Variants in SEMA6D observed in about 807,000 individuals in gnomAD.
The protein encoded by SEMA6D is semaphorin-6D.
In SEMA6D, 35 loss-of-function variants were observed where a neutral mutation model predicts 106.6. That is an observed-to-expected ratio of 0.33 (90% CI 0.25 to 0.44). SEMA6D has a LOEUF of 0.44. Ranked by LOEUF, SEMA6D falls within the 20% of genes least tolerant of loss-of-function variation. The pLI, the probability that SEMA6D is intolerant of heterozygous loss-of-function variation, is 1.00. For synonymous variants in SEMA6D, 499 were observed against 487.7 expected (o/e 1.02, Z -0.31); for missense variants, 1,185 against 1,345.9 (o/e 0.88, Z 1.87).
At chr15:47,567,044 G>T (rs1007725470) in intron 3 of SEMA6D, among the ~76,000 whole-genome samples, 1 of 152,168 alleles carries the variant, frequency 6.6e-6, no homozygotes, top group African/African-American at 2.4e-5. Context: ...TTGTTGTTTG[G>T]AATTATTCTG....
chr15:47,612,707 G>C (rs1433174016), intron 4 of SEMA6D, among the ~76,000 whole-genome samples: 1 of 152,108 alleles, frequency 6.6e-6, no homozygotes, highest in Non-Finnish European at 1.5e-5. Context: ...ATGGGCTTTA[G>C]CACTCAGACT....
At chr15:47,521,704 G>A (rs778817296) in intron 3 of SEMA6D, among the ~76,000 whole-genome samples, 10 of 152,238 alleles carry the variant, frequency 6.6e-5, no homozygotes, top group South Asian at 2.1e-4. Flanking sequence ...AAAGATTCAC[G>A]GCTGGGCACG....
At chr15:47,619,377 T>A (rs2077060481) in intron 4 of SEMA6D, among the ~76,000 whole-genome samples, 1 of 152,146 alleles carries the variant, frequency 6.6e-6, no homozygotes, top group South Asian at 2.1e-4. Flanking sequence ...AGCAGTGGAA[T>A]GGATGGTGGC....
chr15:47,766,942 T>C, intron 16 of SEMA6D, 95 bp from the exon 17 acceptor site: 2 of 398,028 alleles, frequency 5.0e-6, no homozygotes, highest in South Asian at 3.3e-5. Flanking sequence ...TTTATAGTCT[T>C]TTTTTTTTTT....
intron 1 of SEMA6D, among the ~76,000 whole-genome samples, chr15:47,408,780 C>G (rs2040684763): frequency 6.6e-6 from 1 of 152,178 alleles, no homozygotes; most frequent in Admixed American, 6.5e-5. Context: ...AATAGAGATT[C>G]TCCCAGAACT....
At chr15:47,551,489 G>A (rs1361866754) in intron 3 of SEMA6D, among the ~76,000 whole-genome samples, 1 of 152,222 alleles carries the variant, frequency 6.6e-6, no homozygotes, top group Admixed American at 6.5e-5. Context: ...TGCAGGACCT[G>A]TGGTCTAGGA....
chr15:47,718,520 C>G (rs2079223789), intron 1 of SEMA6D: 1 of 144,538 alleles, frequency 6.9e-6, no homozygotes, highest in Non-Finnish European at 1.6e-5. Flanking sequence ...TCTCCCCTTA[C>G]TGGCAGAGCG....
intron 2 of SEMA6D, among the ~76,000 whole-genome samples, chr15:47,414,177 G>T (rs1019496047): frequency 6.6e-6 from 1 of 152,110 alleles, no homozygotes; most frequent in Non-Finnish European, 1.5e-5. Context: ...GTAAATGAAT[G>T]TATCATTATG....
intron 4 of SEMA6D, among the ~76,000 whole-genome samples, chr15:47,608,166 G>A (rs181728044): frequency 1.4e-4 from 22 of 152,150 alleles, no homozygotes; most frequent in Non-Finnish European, 2.5e-4. Flanking sequence ...ATTTTCTGCC[G>A]TTTCCTTAAA....
intron 1 of SEMA6D, among the ~76,000 whole-genome samples, chr15:47,296,561 T>A (rs2035809500): frequency 6.6e-6 from 1 of 152,198 alleles, no homozygotes; most frequent in African/African-American, 2.4e-5. Context: ...GAATGTTAAC[T>A]GAAAAACAGT....
intron 2 of SEMA6D, among the ~76,000 whole-genome samples, chr15:47,432,398 A>G (rs940640016): frequency 3.9e-5 from 6 of 152,084 alleles, no homozygotes; most frequent in African/African-American, 1.4e-4. Flanking sequence ...CAATTTTCTT[A>G]TTAAAACCTA....
At chr15:47,313,508 C>A (rs942462068) in intron 1 of SEMA6D, among the ~76,000 whole-genome samples, 4 of 152,030 alleles carry the variant, frequency 2.6e-5, no homozygotes, top group African/African-American at 9.7e-5. Flanking sequence ...TTTATGTATC[C>A]ATTTACCTAT....
At chr15:47,309,158 C>A (rs1156569428) in intron 1 of SEMA6D, among the ~76,000 whole-genome samples, 2 of 152,202 alleles carry the variant, frequency 1.3e-5, no homozygotes, top group Admixed American at 6.5e-5. Context: ...TAGTCCCCCC[C>A]ATCAGTGGTT....
intron 3 of SEMA6D, among the ~76,000 whole-genome samples, chr15:47,588,015 C>G (rs1390082281): frequency 2.0e-5 from 3 of 152,134 alleles, no homozygotes; most frequent in African/African-American, 7.2e-5. Context: ...CAGGAAAACA[C>G]AGAGGAAAGA....
chr15:47,620,777 G>A (rs542290458), intron 4 of SEMA6D, among the ~76,000 whole-genome samples: 1 of 151,002 alleles, frequency 6.6e-6, no homozygotes, highest in African/African-American at 2.4e-5. Context: ...TTTAACCTTT[G>A]GATTAGTGGG....
chr15:47,318,990 T>C (rs1595721717), intron 1 of SEMA6D, among the ~76,000 whole-genome samples: 1 of 152,244 alleles, frequency 6.6e-6, no homozygotes, highest in Admixed American at 6.5e-5. Context: ...TCTCATTGTG[T>C]CCCACAGTTC....
upstream of SEMA6D, among the ~76,000 whole-genome samples, chr15:47,713,931 T>A (rs2079065055): frequency 6.6e-6 from 1 of 152,340 alleles, no homozygotes; most frequent in Middle Eastern, 3.4e-3. Flanking sequence ...CAGATTCTGC[T>A]GCCTTTGGAG....
intron 4 of SEMA6D, among the ~76,000 whole-genome samples, chr15:47,688,778 A>G (rs993334249): frequency 6.6e-6 from 1 of 152,208 alleles, no homozygotes; most frequent in African/African-American, 2.4e-5. Flanking sequence ...CTGAAAGATG[A>G]GGGATTGACG....
intron 1 of SEMA6D, among the ~76,000 whole-genome samples, chr15:47,364,662 A>G (rs2038944270): frequency 6.6e-6 from 1 of 152,080 alleles, no homozygotes; most frequent in Non-Finnish European, 1.5e-5. Context: ...CAACCATCCC[A>G]TCACTCCACG....
Sources: gnomAD v4.1 joint callset for allele counts (sites outside exome capture counted in the v4.1 genomes callset) on GRCh38, gnomAD v4.1.1 for gene constraint, MANE v1.5 for transcripts, NCBI Gene and HGNC (gene_info 2026-07-23, HGNC 2026-07-21) for gene names.